MIDEAS: variants seen among roughly 807,000 people sequenced by gnomAD.
The protein encoded by MIDEAS is mitotic deacetylase associated SANT domain protein, also known as mitotic deacetylase-associated SANT domain protein.
A neutral mutation model predicts 102.7 loss-of-function variants in MIDEAS; 26 were observed. The ratio of observed to expected loss-of-function variants is 0.25; its 90% CI spans 0.19 to 0.35. The LOEUF is 0.35. MIDEAS is among the 10% of genes least tolerant of loss of function. The probability of loss-of-function intolerance (pLI) is 1.00; values close to 1 mark genes in which losing one functional copy is unlikely to be tolerated. For missense variants in MIDEAS, 1,231 were observed against 1,435.6 expected (o/e 0.86, Z 2.30); for synonymous variants, 585 against 591.0 (o/e 0.99, Z 0.15).
intron 1 of MIDEAS, among the ~76,000 whole-genome samples, chr14:73,756,011 T>C (rs1450513924): frequency 6.6e-6 from 1 of 152,100 alleles, no homozygotes; most frequent in Non-Finnish European, 1.5e-5. Context: ...GCCCAAGAAG[T>C]TAAGCAATGC....
At chr14:73,767,512 C>A (rs1418583048) in intron 1 of MIDEAS, among the ~76,000 whole-genome samples, 2 of 152,142 alleles carry the variant, frequency 1.3e-5, no homozygotes, top group Non-Finnish European at 2.9e-5. Context: ...GTGGTATGCA[C>A]TTCTAGTCCC....
chr14:73,720,436 T>A (rs1407280142), intron 11 of MIDEAS, among the ~76,000 whole-genome samples: 1 of 152,004 alleles, frequency 6.6e-6, no homozygotes, highest in East Asian at 1.9e-4. Flanking sequence ...TTAATAGAGA[T>A]GAGGTTTCAC....
upstream of MIDEAS, among the ~76,000 whole-genome samples, chr14:73,760,918 G>A (rs2053548898): frequency 6.6e-6 from 1 of 152,144 alleles, no homozygotes; most frequent in African/African-American, 2.4e-5. This position sits in a 1 kb window ranked among gnomAD's most constrained non-coding sequence, Gnocchi z 4.8. Context: ...TCAATTCTCA[G>A]GTCCAGGCCT....
At chr14:73,723,612 A>C (rs1203185877) in intron 9 of MIDEAS, 2 of 152,222 alleles carry the variant, frequency 1.3e-5, no homozygotes, top group African/African-American at 2.4e-5. Context: ...AACAAGAGAG[A>C]GCTGTATATG....
At chr14:73,722,889 G>A in intron 9 of MIDEAS, 42 bp from the exon 10 acceptor site, 1 of 1,604,148 alleles carries the variant, frequency 6.2e-7, no homozygotes, top group Non-Finnish European at 8.5e-7. Context: ...CTCTGGTTTG[G>A]CTCATCTGCC....
At chr14:73,781,112 C>T (rs2053752882) in intron 1 of MIDEAS, among the ~76,000 whole-genome samples, 1 of 152,128 alleles carries the variant, frequency 6.6e-6, no homozygotes, top group Admixed American at 6.5e-5. Context: ...GGGGTTTGTG[C>T]CTGACTCTTC....
Position 73,747,741 on chromosome 14 carries a change from A to AAGC in MIDEAS, c.-247-7489_-247-7487dup, listed in dbSNP as rs150968805. 8.3e-3 allele frequency among the ~76,000 whole-genome samples: 1,259 copies of AAGC among 152,094 alleles called. 22 individuals are homozygous for AAGC. The highest frequency in any genetic ancestry group is 0.029 in the African/African-American group (1,184 of 41,468). On this transcript the variant is annotated intron_variant, in intron 1 of 12. Coordinates refer to ENST00000423556, the MANE Select transcript of MIDEAS (RefSeq NM_001367710.1). ...CGATGGGGAATCTAGGATGCTTCAC[A>AAGC]AGCAGCCAGGTGGTGCCCATGCACT...
At chr14:73,746,288 A>G (rs1007857904) in intron 1 of MIDEAS, among the ~76,000 whole-genome samples, 5 of 152,194 alleles carry the variant, frequency 3.3e-5, no homozygotes, top group African/African-American at 1.2e-4. Context: ...ATGCAGAGAG[A>G]AAACAGTCAT....
chr14:73,752,307 TAG>T (rs2053429930), intron 1 of MIDEAS, among the ~76,000 whole-genome samples: 1 of 151,842 alleles, frequency 6.6e-6, no homozygotes, highest in Non-Finnish European at 1.5e-5. Flanking sequence ...GCCTCCCAGG[TAG>T]ATGTTCTCAC....
At chr14:73,722,597 C>T in intron 10 of MIDEAS, 101 bp downstream of exon 10, 1 of 1,422,680 alleles carries the variant, frequency 7.0e-7, no homozygotes, top group Non-Finnish European at 9.6e-7. Context: ...CTCAACCTGC[C>T]CTCTGCAGGC....
upstream of MIDEAS, among the ~76,000 whole-genome samples, chr14:73,761,712 G>C (rs558126079): frequency 6.6e-6 from 1 of 152,312 alleles, no homozygotes; most frequent in Non-Finnish European, 1.5e-5. Flanking sequence ...TTTAGCATCT[G>C]TGATGACAGT....
At chr14:73,740,618 G>A (rs1349009129) in intron 1 of MIDEAS, among the ~76,000 whole-genome samples, 1 of 152,246 alleles carries the variant, frequency 6.6e-6, no homozygotes, top group African/African-American at 2.4e-5. Context: ...CAGCCCAGCT[G>A]AGAAAGAGGC....
At chr14:73,776,153 G>C (rs1439939076) in intron 1 of MIDEAS, among the ~76,000 whole-genome samples, 2 of 151,972 alleles carry the variant, frequency 1.3e-5, no homozygotes, top group Non-Finnish European at 2.9e-5. Context: ...GCCTGTTGGA[G>C]AGAGCCAACC....
At chr14:73,783,675 G>A (rs2053777125) in intron 1 of MIDEAS, among the ~76,000 whole-genome samples, 2 of 152,198 alleles carry the variant, frequency 1.3e-5, no homozygotes, top group South Asian at 2.1e-4. Flanking sequence ...ACAGAAAGTC[G>A]TAAAGCGTTT....
chr14:73,788,916 C>T (rs953125631), upstream of MIDEAS: 62 of 152,170 alleles, frequency 4.1e-4, no homozygotes, highest in African/African-American at 1.4e-3. Flanking sequence ...AATTTTCAGT[C>T]ACAATTTCAT....
At chr14:73,784,935 T>C (rs1220307742) in intron 1 of MIDEAS, among the ~76,000 whole-genome samples, 3 of 152,214 alleles carry the variant, frequency 2.0e-5, no homozygotes, top group Non-Finnish European at 2.9e-5. Flanking sequence ...ACTGTGCCCA[T>C]GACACACACC....
intron 1 of MIDEAS, among the ~76,000 whole-genome samples, chr14:73,745,914 T>A (rs1198757716): frequency 1.3e-5 from 2 of 152,180 alleles, no homozygotes; most frequent in Admixed American, 1.3e-4. Context: ...AGACAGTCCC[T>A]GGACCATCAC....
chr14:73,787,861 C>T (rs1182865520), upstream of MIDEAS, among the ~76,000 whole-genome samples: 1 of 152,110 alleles, frequency 6.6e-6, no homozygotes, highest in Non-Finnish European at 1.5e-5. Context: ...TCCTCCCCCG[C>T]GATTTCCACC....
At chr14:73,753,520 A>G (rs1171374268) in intron 1 of MIDEAS, among the ~76,000 whole-genome samples, 2 of 152,234 alleles carry the variant, frequency 1.3e-5, no homozygotes, top group Non-Finnish European at 2.9e-5. Context: ...TCAATGAGGT[A>G]ATACATAGAT....
Sources: allele counts gnomAD v4.1 joint callset (sites outside exome capture counted in the v4.1 genomes callset), GRCh38; gene constraint gnomAD v4.1.1; non-coding constraint Gnocchi (gnomAD v3.1); transcripts MANE v1.5; gene names NCBI Gene and HGNC (gene_info 2026-07-23, HGNC 2026-07-21).